Variants in MECOM observed in about 807,000 individuals in gnomAD.
MECOM encodes the protein MDS1 and EVI1 complex locus, also known as histone-lysine N-methyltransferase MECOM.
A neutral mutation model predicts 116.3 loss-of-function variants in MECOM; 13 were observed. The ratio of observed to expected loss-of-function variants is 0.11; its 90% CI spans 0.07 to 0.18. MECOM has a LOEUF of 0.18. Ranked by LOEUF, MECOM falls within the 10% of genes least tolerant of loss-of-function variation. MECOM has a pLI of 1.00. For synonymous variants in MECOM, 528 were observed against 535.2 expected (o/e 0.99, Z 0.19); for missense variants, 1,299 against 1,509.0 (o/e 0.86, Z 2.31).
At chr3:169,321,007 C>A (rs1034037801) in intron 2 of MECOM, among the ~76,000 whole-genome samples, 3 of 152,054 alleles carry the variant, frequency 2.0e-5, no homozygotes, top group Admixed American at 6.6e-5. Flanking sequence ...CCAGGGTCTC[C>A]ATGAGGGGAT....
At chr3:169,360,074 T>G (rs1177718646) in intron 2 of MECOM, among the ~76,000 whole-genome samples, 3 of 151,552 alleles carry the variant, frequency 2.0e-5, no homozygotes, top group African/African-American at 7.3e-5. Flanking sequence ...CTACCTACAC[T>G]CAGGGAAACT....
At chr3:169,191,292 G>A (rs1307285306) in intron 2 of MECOM, among the ~76,000 whole-genome samples, 1 of 151,896 alleles carries the variant, frequency 6.6e-6, no homozygotes, top group African/African-American at 2.4e-5. Flanking sequence ...ATCTGCTGGT[G>A]GGTGCAGAAA....
At chr3:169,236,114 T>G (rs1488113) in intron 2 of MECOM, among the ~76,000 whole-genome samples, 81,226 of 151,974 alleles carry the variant, frequency 0.53, 22,187 homozygotes, top group Middle Eastern at 0.69. Context: ...CAGATGATTT[T>G]GTCCAACTGC....
intron 1 of MECOM, among the ~76,000 whole-genome samples, chr3:169,474,943 G>A (rs376258190): frequency 2.3e-4 from 35 of 152,184 alleles, no homozygotes; most frequent in South Asian, 8.3e-4. Context: ...ACTGAGGTTC[G>A]ATAAAGTTAC....
At chr3:169,177,172 T>C (rs528628299) in intron 2 of MECOM, among the ~76,000 whole-genome samples, 1 of 152,288 alleles carries the variant, frequency 6.6e-6, no homozygotes, top group East Asian at 1.9e-4. Context: ...CACACGTATG[T>C]TTATTGCAGC....
Position 169,116,354 on chromosome 3 carries a change from T to C in MECOM, c.1518A>G (p.Ile506Met). The change falls in exon 8 of 17, where the codon ATA (isoleucine) becomes ATG (methionine). Residue 506 changes from isoleucine to methionine, a missense_variant. By Grantham distance (10) the Ile-to-Met change is conservative. Coordinates refer to ENST00000651503, the MANE Select transcript of MECOM (RefSeq NM_004991.4). ...PSGLYHRPPLIPASSPVKGLS... is the reference protein window; with the variant it reads ...PSGLYHRPPLMPASSPVKGLS... ...GTCCTTTAACAGGAGAACTAGCAGG[T>C]ATCAAAGGAGGCCTGTGGTACAAGC... The C allele has an allele frequency of 6.2e-7, 1 of 1,614,134 alleles. No individual in the cohort carries two copies. The highest frequency in any genetic ancestry group is 2.2e-5 in the East Asian group (1 of 44,878).
intron 1 of MECOM, among the ~76,000 whole-genome samples, chr3:169,541,320 G>A (rs531923859): frequency 4.5e-4 from 68 of 152,278 alleles, no homozygotes; most frequent in Non-Finnish European, 4.0e-4. Context: ...ACAAAAAATG[G>A]TTCAGTTTCA....
rs1740785836 is a variant in MECOM at position 169,426,847 on chromosome 3, G to C, written c.38-45323C>G. Among the ~76,000 whole-genome samples the C allele has an allele frequency of 2.0e-5, 3 of 152,192 alleles. No homozygotes were observed. The South Asian group carries it at 6.2e-4, about 31-fold the overall frequency. On this transcript the variant is annotated intron_variant, in intron 1 of 16. Transcript: ENST00000651503. Reference sequence around the variant, plus strand: ...CAGTTAGTAACATAAGGCTAACAGAGAATGTAGGAGGAAGAGACTGCATTT... The same window carrying C: ...CAGTTAGTAACATAAGGCTAACAGACAATGTAGGAGGAAGAGACTGCATTT...
chr3:169,551,987 A>G (rs918269766), intron 1 of MECOM, among the ~76,000 whole-genome samples: 1 of 152,194 alleles, frequency 6.6e-6, no homozygotes, highest in Admixed American at 6.5e-5. Context: ...CATTTATCTG[A>G]AATGTCCAGA....
At chr3:169,405,356 A>G (rs1736531737) in intron 1 of MECOM, among the ~76,000 whole-genome samples, 1 of 152,232 alleles carries the variant, frequency 6.6e-6, no homozygotes, top group African/African-American at 2.4e-5. Flanking sequence ...ACAGATAAAG[A>G]GTATCACAGC....
intron 1 of MECOM, among the ~76,000 whole-genome samples, chr3:169,401,049 C>T (rs1032108178): frequency 6.6e-6 from 1 of 152,192 alleles, no homozygotes; most frequent in Non-Finnish European, 1.5e-5. Flanking sequence ...CTGTTTGCTC[C>T]GTGGTTAAAG....
chr3:169,098,367 C>A (rs1387552287), intron 12 of MECOM, among the ~76,000 whole-genome samples: 1 of 152,078 alleles, frequency 6.6e-6, no homozygotes, highest in Non-Finnish European at 1.5e-5. Context: ...CTGAATAATA[C>A]CGATTGGGAA....
chr3:169,218,564 G>C (rs868631964), intron 2 of MECOM, among the ~76,000 whole-genome samples: 5 of 152,142 alleles, frequency 3.3e-5, no homozygotes, highest in African/African-American at 1.2e-4. Context: ...GGTGAGGCAG[G>C]GGGAGGCAGA....
chr3:169,461,013 C>T (rs181843752), intron 1 of MECOM, among the ~76,000 whole-genome samples: 99 of 152,188 alleles, frequency 6.5e-4, no homozygotes, highest in Non-Finnish European at 1.1e-3. Context: ...CCTTCTCAGC[C>T]AGTAAATCTG....
rs187899433 is a variant in MECOM, at chr3:169,220,598, C to A, written c.376-76766G>T. Among the ~76,000 whole-genome samples, 2 of 152,204 alleles carry A rather than the reference C, an allele frequency of 1.3e-5. 1 individual carries two copies. The highest frequency in any genetic ancestry group is 1.3e-4 in the Admixed American group (2 of 15,276). On this transcript the variant is annotated intron_variant, in intron 2 of 16. Transcript: ENST00000651503. ...CTAGCGATTCTCCTGCCCCAGCCCC[C>A]CAAGTAGCTAGGATTACAGGTGCCC...
At chr3:169,202,844 G>C (rs1166244035) in intron 2 of MECOM, among the ~76,000 whole-genome samples, 2 of 141,150 alleles carry the variant, frequency 1.4e-5, no homozygotes, top group Non-Finnish European at 3.1e-5. Flanking sequence ...AAAAAAAAGA[G>C]TTAACAATTA....
At chr3:169,322,997 TAAAAAAAAAAAAAAAA>T (rs748984561) in intron 2 of MECOM, among the ~76,000 whole-genome samples, 20 of 56,046 alleles carry the variant, frequency 3.6e-4, no homozygotes, top group Middle Eastern at 0.03. Context: ...AAGACTCCGG[TAAAAAAAAAAAAAAAA>T]AAAAAAAAAA....
At chr3:169,184,064 C>A (rs913921105) in intron 2 of MECOM, among the ~76,000 whole-genome samples, 2 of 152,074 alleles carry the variant, frequency 1.3e-5, no homozygotes, top group African/African-American at 2.4e-5. Flanking sequence ...CGCGATTTCA[C>A]CACATTAGCC....
At chr3:169,180,938 A>G (rs1745890110) in intron 2 of MECOM, among the ~76,000 whole-genome samples, 1 of 151,488 alleles carries the variant, frequency 6.6e-6, no homozygotes, top group Non-Finnish European at 1.5e-5. Flanking sequence ...AAAAAAAGGC[A>G]AGCAAACTTA....
Sources: gnomAD v4.1 joint callset for allele counts (sites outside exome capture counted in the v4.1 genomes callset) on GRCh38, gnomAD v4.1.1 for gene constraint, MANE v1.5 for transcripts, NCBI Gene and HGNC (gene_info 2026-07-23, HGNC 2026-07-21) for gene names.